The following CGB1 variants were observed in gnomAD, a reference collection of about 807,000 sequenced individuals.
CGB1 encodes chorionic gonadotropin subunit beta 1.
A neutral mutation model predicts 7.0 loss-of-function variants in CGB1; 4 were observed. That is an observed-to-expected ratio of 0.57 (90% confidence interval 0.28 to 1.31). CGB1 has a LOEUF of 1.31. CGB1 is among the 50% of genes most tolerant of loss of function. The pLI is 0.10. For synonymous variants in CGB1, 72 were observed against 96.4 expected (o/e 0.75, Z 1.48); for missense variants, 139 against 219.1 (o/e 0.63, Z 2.31).
chr19:49,036,779 C>T lies in CGB1; in HGVS notation c.-68G>A. On this transcript the variant is annotated 5_prime_UTR_variant, in exon 1 of 3. Transcript: ENST00000301407. Reference sequence around the variant, plus strand: ...TGGACATGGAAAGTAAATTGAGTCTCCGTGGGGGAGTGAGACAGGGAGTGA... The same window carrying T: ...TGGACATGGAAAGTAAATTGAGTCTTCGTGGGGGAGTGAGACAGGGAGTGA... 1.4e-5 allele frequency: 23 copies of T among 1,611,174 alleles called. No individual in the cohort carries two copies. Among genetic ancestry groups the T allele is most frequent in the Non-Finnish European group, 2.0e-5 (23 of 1,177,500 alleles).
Position 49,036,572 on chromosome 19 carries a change from C to T in CGB1, c.9+131G>A, listed in dbSNP as rs559439811. 3.1e-5 allele frequency: 50 copies of T among 1,613,198 alleles called. No individual in the cohort carries two copies. In the South Asian group the frequency reaches 4.5e-4, roughly 15 times the overall value. On this transcript the variant is annotated intron_variant, in intron 1 of 2. Coordinates refer to ENST00000301407, the MANE Select transcript of CGB1 (RefSeq NM_033377.2). ...GCTCCTCCAGAAAGAGGCCTCCTTC[C>T]ACAGCTCACACGGGTCTGCCCCTTC...
chr19:49,035,779 T>C lies in CGB1; in HGVS notation c.299A>G (p.Tyr100Cys). The C allele has an allele frequency of 6.2e-7, 1 of 1,602,760 alleles. No homozygotes were observed. The highest frequency in any genetic ancestry group is 8.5e-7 in the Non-Finnish European group (1 of 1,175,814). ...CPRGVNPVVS[Y>C]AVALSCQCAL... Reference sequence around the variant, plus strand: ...ACATTGACAGCTGAGAGCCACGGCGTAGGAGACCACGGGGTTCACGCCGCG... The same window carrying C: ...ACATTGACAGCTGAGAGCCACGGCGCAGGAGACCACGGGGTTCACGCCGCG... The change falls in exon 3 of 3, where the codon TAC becomes TGC. Residue 100 changes from tyrosine to cysteine, a missense_variant. Tyr to Cys is a radical substitution (Grantham distance 194). This residue lies in a region of CGB1 where 60 missense variants were observed against 105.8 expected (regional missense o/e 0.57). Coordinates refer to ENST00000301407, the MANE Select transcript of CGB1 (RefSeq NM_033377.2).
chr19:49,036,213 G>C lies in CGB1; in HGVS notation c.100C>G (p.Leu34Val). The stretch of plus-strand genomic sequence containing the variant: ...GGGCAGCCCTCCTTCTCCACAGCCA[G>C]GGTGGCATTGATGGGGCGGCACCGT... ...RPRCRPINAT[L>V]AVEKEGCPVC... is the part of the protein sequence containing the mutation. The change falls in exon 2 of 3, where the codon CTG (leucine) becomes GTG (valine). Residue 34 changes from leucine (L) to valine (V), a missense_variant. By Grantham distance (32) the Leu-to-Val change is conservative. Around this residue, in one of 4 missense-constraint regions of CGB1, gnomAD observed 11 missense variants for 54.4 expected, o/e 0.20. Transcript: ENST00000301407. 1 of 1,610,114 alleles carries C rather than the reference G, an allele frequency of 6.2e-7. No homozygotes were observed. The highest frequency in any genetic ancestry group is 2.2e-5 in the East Asian group (1 of 44,848).
Position 49,036,292 on chromosome 19 carries a change from C to G in CGB1, c.21G>C (p.Leu7=). 2 of 1,605,924 alleles carry G rather than the reference C, an allele frequency of 1.2e-6. No homozygotes were observed. The highest frequency in any genetic ancestry group is 1.7e-6 in the Non-Finnish European group (2 of 1,179,576). ...TCCCGCCCATGCTCAGCAGCAGCAA[C>G]AGCAGCAGCCTCTGGGGCAAGGACA... is the stretch of plus-strand genomic sequence containing the variant. MSKRLL[L]LLLLSMGGTW... Residue 7 remains leucine, a synonymous_variant, in exon 2 of 3, where the codon CTG becomes CTC. Coordinates refer to ENST00000301407, the MANE Select transcript of CGB1 (RefSeq NM_033377.2).
rs1162522223 is a variant in CGB1, at chr19:49,036,885, C to G, written c.-174G>C. ...CTCTCTCTCAGATGCAGTTCCCCTT[C>G]CTCCCTCCAGGGGGCGCCACGGAAC... On this transcript the variant is annotated 5_prime_UTR_variant, in exon 1 of 3. Coordinates refer to ENST00000301407, the MANE Select transcript of CGB1 (RefSeq NM_033377.2). 4 of 894,012 alleles carry G rather than the reference C, an allele frequency of 4.5e-6. No individual in the cohort carries two copies. In the Admixed American group the frequency reaches 6.3e-5, roughly 14 times the overall value. The allele number at this position is 894,012 out of a possible 1,614,324, so 55.4% of individuals were successfully genotyped here. A position where few individuals can be genotyped will look rare whatever the true frequency, so the allele number is the denominator to read the frequency against.
chr19:49,036,751 A>G lies in CGB1; in HGVS notation c.-40T>C. On this transcript the variant is annotated 5_prime_UTR_variant, in exon 1 of 3. Coordinates refer to ENST00000301407, the MANE Select transcript of CGB1 (RefSeq NM_033377.2). ...GGGATATCTTCCGCAAGCACTGGGAATGTGGACATGGAAAGTAAATTGAGT... is the reference window on the plus strand; with the variant it reads ...GGGATATCTTCCGCAAGCACTGGGAGTGTGGACATGGAAAGTAAATTGAGT... 1.2e-6 allele frequency: 2 copies of G among 1,613,524 alleles called. No homozygotes were observed. The highest frequency in any genetic ancestry group is 1.7e-6 in the Non-Finnish European group (2 of 1,179,524).
At chr19:49,036,485 AC>A (rs1003198893) in intron 1 of CGB1, 182 bp from the exon 2 acceptor site, 1 of 1,558,114 alleles carries the variant, frequency 6.4e-7, no homozygotes, top group Non-Finnish European at 8.7e-7. Context: ...GACCTGAGAT[AC>A]CCCAACATTT....
Position 49,036,730 on chromosome 19 carries a change from T to C in CGB1, c.-19A>G, listed in dbSNP as rs1568660258. 6.2e-7 allele frequency: 1 copy of C among 1,613,870 alleles called. No individual in the cohort carries two copies. The highest frequency in any genetic ancestry group is 1.1e-5 in the South Asian group (1 of 91,064). ...TTGACATGTCTCTCTCTTAGCGGGA[T>C]ATCTTCCGCAAGCACTGGGAATGTG... is the stretch of plus-strand genomic sequence containing the variant. On this transcript the variant is annotated 5_prime_UTR_variant, in exon 1 of 3. It adds an upstream start codon to the 5' untranslated region. Coordinates refer to ENST00000301407, the MANE Select transcript of CGB1 (RefSeq NM_033377.2).
Position 49,036,831 on chromosome 19 carries a change from T to G in CGB1, c.-120A>C, listed in dbSNP as rs369471697. ...GGGTGTTGGACGCGGCACGGGAACC[T>G]GGCCAGAGTCAGCGGACCCAATTGG... On this transcript the variant is annotated 5_prime_UTR_variant, in exon 1 of 3. Transcript: ENST00000301407. 2.7e-6 allele frequency: 4 copies of G among 1,474,540 alleles called. No homozygotes were observed. Among genetic ancestry groups the G allele is most frequent in the Non-Finnish European group, 3.8e-6 (4 of 1,056,212 alleles). The allele number at this position is 1,474,540 out of a possible 1,614,324, so 91.3% of individuals were successfully genotyped here. A position where few individuals can be genotyped will look rare whatever the true frequency, so the allele number is the denominator to read the frequency against.
chr19:49,036,713 T>C lies in CGB1; in HGVS notation c.-2A>G. 6.2e-7 allele frequency: 1 copy of C among 1,613,896 alleles called. No individual in the cohort carries two copies. The stretch of plus-strand genomic sequence containing the variant: ...GTGGATCTACCCTACCTTTGACATG[T>C]CTCTCTCTTAGCGGGATATCTTCCG... On this transcript the variant is annotated 5_prime_UTR_variant, in exon 1 of 3. Transcript: ENST00000301407.
chr19:49,036,431 C>T, intron 1 of CGB1, 128 bp from the exon 2 acceptor site: 1 of 1,578,966 alleles, frequency 6.3e-7, no homozygotes, highest in Admixed American at 1.8e-5. Context: ...TCAGGACCCA[C>T]CACCCGGACA....
At chr19:49,036,430 A>G in intron 1 of CGB1, 127 bp from the exon 2 acceptor site, 1 of 1,578,366 alleles carries the variant, frequency 6.3e-7, no homozygotes, top group African/African-American at 1.3e-5. Flanking sequence ...TTCAGGACCC[A>G]CCACCCGGAC....
chr19:49,036,253 C>G lies in CGB1; in HGVS notation c.60G>C (p.Lys20Asn). Reference protein sequence around the residue: ...LLSMGGTWASKEPLRPRCRPI... With the variant: ...LLSMGGTWASNEPLRPRCRPI... ...GGCGGCACCGTGGCCGAAGCGGCTC[C>G]TTGGATGCCCATGTCCCGCCCATGC... Residue 20 changes from lysine (K) to asparagine (N), a missense_variant, in exon 2 of 3, where the codon AAG becomes AAC. Physicochemically the swap from Lys to Asn is moderately conservative, Grantham distance 94. Transcript: ENST00000301407. 6.2e-7 allele frequency: 1 copy of G among 1,608,510 alleles called. No individual in the cohort carries two copies. Among genetic ancestry groups the G allele is most frequent in the Non-Finnish European group, 8.5e-7 (1 of 1,179,696 alleles).
At position 49,036,749 on chromosome 19, in the gene CGB1, G is replaced by C; in HGVS notation, c.-38C>G. On this transcript the variant is annotated 5_prime_UTR_variant, in exon 1 of 3. Transcript: ENST00000301407. The stretch of plus-strand genomic sequence containing the variant: ...GCGGGATATCTTCCGCAAGCACTGG[G>C]AATGTGGACATGGAAAGTAAATTGA... The C allele has an allele frequency of 6.2e-7, 1 of 1,613,708 alleles. No homozygotes were observed. Among genetic ancestry groups the C allele is most frequent in the Non-Finnish European group, 8.5e-7 (1 of 1,179,662 alleles).
Position 49,035,632 on chromosome 19 carries a change from G to C in CGB1, c.446C>G (p.Pro149Arg). Residue 149 changes from proline to arginine, a missense_variant, in exon 3 of 3, where the codon CCA becomes CGA. Pro to Arg is a moderately radical substitution (Grantham distance 103). This residue lies in a region of CGB1 where 44 missense variants were observed against 35.0 expected (regional missense o/e 1.26). Transcript: ENST00000301407. The part of the protein sequence containing the change: ...SKAPPPSLPS[P>R]SRLPGP ...GTCCTAGGGCCCCGGGAGACGGGATGGACTTGGAAGGCTGGGGGGAGGGGC... is the reference window on the plus strand; with the variant it reads ...GTCCTAGGGCCCCGGGAGACGGGATCGACTTGGAAGGCTGGGGGGAGGGGC... The C allele has an allele frequency of 1.2e-6, 2 of 1,611,452 alleles. No homozygotes were observed.
rs768020387 is a variant in CGB1, at chr19:49,036,256, G to A, written c.57C>T (p.Ser19=). Residue 19 remains serine, a synonymous_variant, in exon 2 of 3, where the codon TCC becomes TCT. Coordinates refer to ENST00000301407, the MANE Select transcript of CGB1 (RefSeq NM_033377.2). The stretch of plus-strand genomic sequence containing the variant: ...GGCACCGTGGCCGAAGCGGCTCCTT[G>A]GATGCCCATGTCCCGCCCATGCTCA... ...LLLSMGGTWA[S]KEPLRPRCRP... is the part of the protein sequence containing the mutation. 6.2e-6 allele frequency: 10 copies of A among 1,608,116 alleles called. No individual in the cohort carries two copies. The African/African-American group carries it at 6.7e-5, about 11-fold the overall frequency.
At chr19:49,036,628 A>G in intron 1 of CGB1, 75 bp downstream of exon 1, 1 of 1,613,970 alleles carries the variant, frequency 6.2e-7, no homozygotes, top group East Asian at 2.2e-5. Context: ...AAGGAGGTGG[A>G]AGGTGCCCAG....
Position 49,036,428 on chromosome 19 carries a change from C to A in CGB1, c.10-125G>T. ...CTTCCCGGCATCTTCTATTCAGGAC[C>A]CACCACCCGGACACCTGCCTTTCAG... On this transcript the variant is annotated intron_variant, in intron 1 of 2. Coordinates refer to ENST00000301407, the MANE Select transcript of CGB1 (RefSeq NM_033377.2). The A allele has an allele frequency of 4.4e-6, 7 of 1,582,188 alleles. No homozygotes were observed. The South Asian group carries it at 7.9e-5, about 18-fold the overall frequency.
At chr19:49,036,527 T>G in intron 1 of CGB1, 176 bp downstream of exon 1, 1 of 1,601,494 alleles carries the variant, frequency 6.2e-7, no homozygotes, top group Non-Finnish European at 8.5e-7. Context: ...CTGACCCACC[T>G]GAAGCTTACT....
Sources: gnomAD v4.1 joint callset for allele counts on GRCh38, gnomAD v4.1.1 for gene constraint, gnomAD v4.1.1 regional missense constraint, MANE v1.5 for transcripts, NCBI Gene and HGNC (gene_info 2026-07-23, HGNC 2026-07-21) for gene names.